The following KATNAL2 variants were observed in gnomAD, a reference collection of about 807,000 sequenced individuals.
KATNAL2 encodes katanin catalytic subunit A1 like 2.
Under a neutral mutation model 76.3 loss-of-function variants are expected in KATNAL2, and 52 were observed. The observed-to-expected ratio is 0.68, with a 90% CI of 0.55 to 0.86. The LOEUF is 0.86. Ranked by LOEUF, KATNAL2 falls within the 40% of genes least tolerant of loss-of-function variation. The pLI, the probability that KATNAL2 is intolerant of heterozygous loss-of-function variation, is 0.00. For synonymous variants in KATNAL2, 243 were observed against 244.2 expected, an observed-to-expected ratio of 1.00 and a Z score of 0.05; for missense variants, 660 against 668.9, an observed-to-expected ratio of 0.99 and a Z score of 0.15.
At chr18:46,959,069 A>G (rs1384810384) in intron 3 of KATNAL2, among the ~76,000 whole-genome samples, 1 of 152,258 alleles carries the variant, frequency 6.6e-6, no homozygotes, top group East Asian at 1.9e-4. Context: ...GGGCTCCTAA[A>G]AAAAGAGTAA....
intron 14 of KATNAL2, among the ~76,000 whole-genome samples, chr18:47,076,837 A>G (rs1323713752): frequency 2.0e-5 from 3 of 149,482 alleles, no homozygotes; most frequent in Admixed American, 6.7e-5. Context: ...ATAGAGAGAG[A>G]CGGTCTTCTC....
At chr18:47,055,525 C>G (rs1333980668) in intron 6 of KATNAL2, among the ~76,000 whole-genome samples, 1 of 152,176 alleles carries the variant, frequency 6.6e-6, no homozygotes, top group Non-Finnish European at 1.5e-5. Context: ...GGCTGTGGAG[C>G]CCACGCACGC....
At chr18:47,037,850 A>ATTTT (rs5824648) in intron 3 of KATNAL2, among the ~76,000 whole-genome samples, 1 of 148,032 alleles carries the variant, frequency 6.8e-6, no homozygotes, top group Non-Finnish European at 1.5e-5. Flanking sequence ...TAGGAAAGCC[A>ATTTT]TTTTTTTTTT....
chr18:47,034,230 C>T (rs1288224155), intron 3 of KATNAL2: 3 of 1,613,948 alleles, frequency 1.9e-6, no homozygotes, highest in Admixed American at 3.3e-5. Flanking sequence ...CCTCTTGAGT[C>T]TCTCGGTCGT....
rs907415761 is a variant in KATNAL2 at position 47,040,164 on chromosome 18, G to A, written c.52-6293G>A. ...CAGGGTGACTAACCTTTTGAAGGAGGTCTAGCCAGTAACAGCTTTGGAATG... is the reference window on the plus strand; with the variant it reads ...CAGGGTGACTAACCTTTTGAAGGAGATCTAGCCAGTAACAGCTTTGGAATG... On this transcript the variant is annotated intron_variant, in intron 3 of 17. Coordinates refer to ENST00000683218, the MANE Select transcript of KATNAL2 (RefSeq NM_001387690.1). Among the ~76,000 whole-genome samples, 81 of 152,212 alleles carry A rather than the reference G, an allele frequency of 5.3e-4. 3 individuals carry two copies. The highest frequency in any genetic ancestry group is 4.4e-5 in the Non-Finnish European group (3 of 68,034).
intron 3 of KATNAL2, chr18:47,034,606 A>G: frequency 1.2e-6 from 2 of 1,614,092 alleles, no homozygotes; most frequent in Non-Finnish European, 1.7e-6. Flanking sequence ...GTGGCTCACA[A>G]CGGCTTTCCC....
intron 4 of KATNAL2, 59 bp downstream of exon 4, chr18:47,046,586 C>T: frequency 8.8e-7 from 1 of 1,132,386 alleles, no homozygotes; most frequent in Non-Finnish European, 1.3e-6. Context: ...CTCTACTTTT[C>T]CAGATGCGTA....
At chr18:47,081,880 T>C (rs2062539871) in intron 15 of KATNAL2, among the ~76,000 whole-genome samples, 1 of 152,182 alleles carries the variant, frequency 6.6e-6, no homozygotes, top group Admixed American at 6.5e-5. Flanking sequence ...AATTAGGCCT[T>C]TTGATTAGAC....
Position 47,059,661 on chromosome 18 carries a change from G to A in KATNAL2, c.549+7G>A, listed in dbSNP as rs369685371. On this transcript the variant is annotated splice_region_variant and intron_variant, in intron 8 of 17. Transcript: ENST00000683218. ...AAATGCCCACCCACGAAGAGTAAGTGAAACTCATGAACCTAACACTGAAAG... is the reference window on the plus strand; with the variant it reads ...AAATGCCCACCCACGAAGAGTAAGTAAAACTCATGAACCTAACACTGAAAG... 3.9e-5 allele frequency: 60 copies of A among 1,553,822 alleles called. No individual in the cohort carries two copies. Among genetic ancestry groups the A allele is most frequent in the African/African-American group, 5.4e-5 (4 of 73,758 alleles).
At chr18:47,033,842 C>T in intron 3 of KATNAL2, 2 of 1,614,144 alleles carry the variant, frequency 1.2e-6, no homozygotes, top group Non-Finnish European at 8.5e-7. Context: ...GAAAGCGGAT[C>T]GTAGTTGGCC....
chr18:47,033,102 C>G, intron 3 of KATNAL2: 1 of 1,614,118 alleles, frequency 6.2e-7, no homozygotes, highest in Non-Finnish European at 8.5e-7. Flanking sequence ...CCGCGGGCGC[C>G]GCGTGCTCAT....
intron 7 of KATNAL2, 67 bp from the exon 8 acceptor site, chr18:47,059,489 G>A (rs2061567954): frequency 4.7e-6 from 5 of 1,064,686 alleles, no homozygotes; most frequent in Non-Finnish European, 7.3e-6. Context: ...TGATGGAGTA[G>A]GCAGGTACAT....
At chr18:46,938,711 T>A (rs924483628) in intron 1 of KATNAL2, among the ~76,000 whole-genome samples, 1 of 152,070 alleles carries the variant, frequency 6.6e-6, no homozygotes, top group Admixed American at 6.6e-5. Flanking sequence ...ACCCTCCTAT[T>A]CAAAATCTTT....
chr18:47,082,185 A>G (rs2062557206), intron 15 of KATNAL2, among the ~76,000 whole-genome samples: 1 of 152,200 alleles, frequency 6.6e-6, no homozygotes, highest in Non-Finnish European at 1.5e-5. Flanking sequence ...GAAAGAGCTA[A>G]TGTGGGATTT....
chr18:46,943,470 G>A (rs941131703), intron 1 of KATNAL2, among the ~76,000 whole-genome samples: 1 of 152,142 alleles, frequency 6.6e-6, no homozygotes, highest in Admixed American at 6.6e-5. Context: ...CCAAGATGGC[G>A]ATGAGAGTGA....
intron 3 of KATNAL2, among the ~76,000 whole-genome samples, chr18:46,957,900 A>G (rs1295927594): frequency 1.3e-5 from 2 of 150,692 alleles, no homozygotes; most frequent in African/African-American, 2.4e-5. Context: ...GTTTCACCAT[A>G]TTGGCCAGGA....
chr18:47,045,153 T>C (rs2061113312), intron 3 of KATNAL2, among the ~76,000 whole-genome samples: 1 of 152,022 alleles, frequency 6.6e-6, no homozygotes, highest in South Asian at 2.1e-4. Flanking sequence ...TTATATTACA[T>C]ATATTTTACC....
At chr18:47,056,438 C>T (rs1019083995) in intron 6 of KATNAL2, among the ~76,000 whole-genome samples, 9 of 152,170 alleles carry the variant, frequency 5.9e-5, no homozygotes, top group Admixed American at 5.9e-4. Context: ...ATGACTAGAG[C>T]AACTGCAGAT....
chr18:47,096,384 C>CAG (rs572867116), intron 15 of KATNAL2, among the ~76,000 whole-genome samples: 1 of 152,238 alleles, frequency 6.6e-6, no homozygotes, highest in East Asian at 1.9e-4. Flanking sequence ...TTCTGTCACT[C>CAG]AGGCTGGAGT....
Sources: gnomAD v4.1 joint callset for allele counts (sites outside exome capture counted in the v4.1 genomes callset) on GRCh38, gnomAD v4.1.1 for gene constraint, MANE v1.5 for transcripts, NCBI Gene and HGNC (gene_info 2026-07-23, HGNC 2026-07-21) for gene names.